The following ZC3H12D variants were observed in gnomAD, a reference collection of about 807,000 sequenced individuals.
ZC3H12D encodes the protein zinc finger CCCH-type containing 12D, also known as probable ribonuclease ZC3H12D.
ZC3H12D carries 11 observed loss-of-function variants against 24.2 expected under a neutral mutation model. The observed-to-expected ratio is 0.46, with a 90% CI of 0.29 to 0.75. ZC3H12D has a LOEUF of 0.75. ZC3H12D is among the 30% of genes least tolerant of loss of function. ZC3H12D has a pLI of 0.11. For missense variants in ZC3H12D, 740 were observed against 767.7 expected, an observed-to-expected ratio of 0.96 and a Z score of 0.43; for synonymous variants, 333 against 341.8, an observed-to-expected ratio of 0.97 and a Z score of 0.28.
intron 3 of ZC3H12D, chr6:149,459,692 G>A (rs1389443710): frequency 2.8e-6 from 2 of 717,790 alleles, no homozygotes; most frequent in African/African-American, 1.7e-5. Context: ...TAAAGAAAGT[G>A]AAGCTACAAC....
In ZC3H12D at chr6:149,480,894, C is replaced by T. The variant is rs754001700; in HGVS notation, c.-71+3919G>A. Among the ~76,000 whole-genome samples the T allele has an allele frequency of 3.7e-4, 55 of 149,166 alleles. 1 individual carries two copies. The highest frequency in any genetic ancestry group is 3.1e-3 in the Admixed American group (47 of 15,152). ...AAGAAGGGCCGTGTCACACTCCACG[C>T]CATCATCACAGTCGGGCCCAACACA... On this transcript the variant is annotated intron_variant, in intron 1 of 5. Coordinates refer to ENST00000409806, the MANE Select transcript of ZC3H12D (RefSeq NM_207360.3).
intron 1 of ZC3H12D, among the ~76,000 whole-genome samples, chr6:149,484,084 G>A (rs1462983895): frequency 1.3e-5 from 2 of 152,094 alleles, no homozygotes; most frequent in African/African-American, 2.4e-5. Context: ...TTTAAGCCCC[G>A]ATCCACATCC....
intron 3 of ZC3H12D, among the ~76,000 whole-genome samples, chr6:149,461,090 C>G (rs1776065180): frequency 6.6e-6 from 1 of 152,074 alleles, no homozygotes; most frequent in Non-Finnish European, 1.5e-5. Flanking sequence ...CGCCTCTAAT[C>G]CCAGCACTTT....
At chr6:149,458,128 C>T (rs199778825) in intron 3 of ZC3H12D, among the ~76,000 whole-genome samples, 2,751 of 38,858 alleles carry the variant, frequency 0.071, 95 homozygotes, top group African/African-American at 0.18. Context: ...TTTTTCGTTT[C>T]TTTTTTTTTT....
intron 3 of ZC3H12D, among the ~76,000 whole-genome samples, chr6:149,460,132 A>T (rs550109355): frequency 6.6e-6 from 1 of 152,262 alleles, no homozygotes; most frequent in Non-Finnish European, 1.5e-5. Context: ...TGTACAGCAC[A>T]TAACACTTGA....
In ZC3H12D at chr6:149,456,970, G is replaced by A. The variant is rs949362375; in HGVS notation, c.446-70C>T. On this transcript the variant is annotated intron_variant, in intron 3 of 5. Coordinates refer to ENST00000409806, the MANE Select transcript of ZC3H12D (RefSeq NM_207360.3). This position sits in a 1 kb window ranked among gnomAD's most constrained non-coding sequence, Gnocchi z 4.3. ...CGCCCCTGAGAACCACCCCCAACGC[G>A]AGGCCACCCGCTTCCCGGGCCGGTC... 3 of 1,453,830 alleles carry A rather than the reference G, an allele frequency of 2.1e-6. No individual in the cohort carries two copies. Among genetic ancestry groups the A allele is most frequent in the Non-Finnish European group, 2.8e-6 (3 of 1,070,494 alleles). 90.1% of individuals were successfully genotyped at this position (1,453,830 alleles called of 1,614,324 possible).
intron 4 of ZC3H12D, among the ~76,000 whole-genome samples, chr6:149,455,953 T>TA (rs1278081469): frequency 4.2e-4 from 53 of 126,014 alleles, no homozygotes; most frequent in African/African-American, 1.7e-3. Context: ...AAATTTTGAT[T>TA]TAAAAAAAAA....
At chr6:149,454,449 G>A (rs995515653) in intron 4 of ZC3H12D, among the ~76,000 whole-genome samples, 3 of 152,246 alleles carry the variant, frequency 2.0e-5, no homozygotes, top group Admixed American at 6.5e-5. Flanking sequence ...CCCCGGCCCT[G>A]TGTGGCCTCC....
In ZC3H12D at chr6:149,447,154, G is replaced by T. The variant is rs1775793980; in HGVS notation, c.*3529C>A. The T allele has an allele frequency of 6.6e-6, 1 of 152,260 alleles. No individual in the cohort carries two copies. Among genetic ancestry groups the T allele is most frequent in the Non-Finnish European group, 1.5e-5 (1 of 68,086 alleles). 9.4% of individuals were successfully genotyped at this position (152,260 alleles called of 1,614,324 possible). ...TGGCCTCACTGCTTCTCCTGGAAAA[G>T]GTGGATTTGAGCCCCTCACATCCCC... On this transcript the variant is annotated 3_prime_UTR_variant, in exon 6 of 6. Transcript: ENST00000409806.
Position 149,458,128 on chromosome 6 carries a change from CTTTTTTTTTTTTT to C in ZC3H12D, c.446-1241_446-1229del, listed in dbSNP as rs1189920889. On this transcript the variant is annotated intron_variant, in intron 3 of 5. Coordinates refer to ENST00000409806, the MANE Select transcript of ZC3H12D (RefSeq NM_207360.3). ...TTCTTTTTCTTTTTTTTTTTCGTTT[CTTTTTTTTTTTTT>C]TTTTTTTTTTTTGAGACAAGATCTC... is the stretch of plus-strand genomic sequence containing the variant. Among the ~76,000 whole-genome samples, 286 of 39,782 alleles carry C rather than the reference CTTTTTTTTTTTTT, an allele frequency of 7.2e-3. 6 individuals carry two copies. The highest frequency in any genetic ancestry group is 0.023 in the African/African-American group (224 of 9,556). The allele number at this position is 39,782 out of a possible 152,430, so 26.1% of individuals were successfully genotyped here. A position where few individuals can be genotyped will look rare whatever the true frequency, so the allele number is the denominator to read the frequency against.
intron 1 of ZC3H12D, among the ~76,000 whole-genome samples, chr6:149,483,738 TG>T (rs1158477317): frequency 6.6e-6 from 1 of 152,010 alleles, no homozygotes; most frequent in African/African-American, 2.4e-5. Flanking sequence ...TTTGTAGAGA[TG>T]GGGGTCTCAC....
chr6:149,482,808 A>T (rs980876564), intron 1 of ZC3H12D, among the ~76,000 whole-genome samples: 2 of 152,158 alleles, frequency 1.3e-5, no homozygotes, highest in Admixed American at 6.5e-5. Context: ...CATTACTCCC[A>T]GTGCAGGGGA....
At position 149,447,920 on chromosome 6, in the gene ZC3H12D, T is replaced by C. The variant is rs905672181; in HGVS notation, c.*2763A>G. On this transcript the variant is annotated 3_prime_UTR_variant, in exon 6 of 6. Coordinates refer to ENST00000409806, the MANE Select transcript of ZC3H12D (RefSeq NM_207360.3). ...TGAAAAATCAGCAACACAATGATTC[T>C]ACATCAGGAAATCGAACCAGGGAGA... is the stretch of plus-strand genomic sequence containing the variant. 8.5e-5 allele frequency: 13 copies of C among 152,214 alleles called. No individual in the cohort carries two copies. Among genetic ancestry groups the C allele is most frequent in the African/African-American group, 2.7e-4 (11 of 41,438 alleles). 9.4% of individuals were successfully genotyped at this position (152,214 alleles called of 1,614,324 possible).
intron 1 of ZC3H12D, among the ~76,000 whole-genome samples, chr6:149,475,657 G>C (rs551008141): frequency 4.5e-4 from 69 of 151,780 alleles, no homozygotes; most frequent in Non-Finnish European, 7.8e-4. Flanking sequence ...CGGAGTTGTG[G>C]TGAGCAGACA....
chr6:149,467,555 T>G (rs185944575), intron 2 of ZC3H12D, among the ~76,000 whole-genome samples: 2,222 of 152,172 alleles, frequency 0.015, 49 homozygotes, highest in African/African-American at 0.052. Flanking sequence ...CGCCTGGCCT[T>G]GGAGCTCATT....
intron 1 of ZC3H12D, among the ~76,000 whole-genome samples, chr6:149,478,629 T>A (rs1207211317): frequency 1.3e-5 from 2 of 152,170 alleles, no homozygotes; most frequent in East Asian, 3.9e-4. Context: ...AATTCTTAAA[T>A]CTAGAGCTGT....
Position 149,450,959 on chromosome 6 carries a change from C to T in ZC3H12D, c.1308G>A (p.Pro436=). The change falls in exon 6 of 6, where the codon CCG becomes CCA. Residue 436 remains proline (P), a synonymous_variant. Transcript: ENST00000409806. ...GGTCGGAGCGGGGTGGACGGGCCCACGGGTCGTCGGGTGGCCTGCGCGGGG... is the reference window on the plus strand; with the variant it reads ...GGTCGGAGCGGGGTGGACGGGCCCATGGGTCGTCGGGTGGCCTGCGCGGGG... ...LLSPRRPPDD[P]WARPPRSDRF... 6.6e-7 allele frequency: 1 copy of T among 1,525,780 alleles called. No individual in the cohort carries two copies. Among genetic ancestry groups the T allele is most frequent in the Non-Finnish European group, 8.8e-7 (1 of 1,138,610 alleles). 94.5% of individuals were successfully genotyped at this position (1,525,780 alleles called of 1,614,324 possible).
intron 1 of ZC3H12D, among the ~76,000 whole-genome samples, chr6:149,477,836 C>CG (rs954240657): frequency 6.6e-6 from 1 of 152,130 alleles, no homozygotes; most frequent in Non-Finnish European, 1.5e-5. Context: ...TAGGGAAGCC[C>CG]GGGGGACTCC....
rs1195688275 is a variant in ZC3H12D at position 149,451,194 on chromosome 6, A to T, written c.1073T>A (p.Leu358Gln). 1 of 1,309,810 alleles carries T rather than the reference A, an allele frequency of 7.6e-7. No homozygotes were observed. The highest frequency in any genetic ancestry group is 9.7e-7 in the Non-Finnish European group (1 of 1,035,394). The allele number at this position is 1,309,810 out of a possible 1,614,324, so 81.1% of individuals were successfully genotyped here. Residue 358 changes from leucine (L) to glutamine (Q), a missense_variant, in exon 6 of 6, where the codon CTG becomes CAG. Coordinates refer to ENST00000409806, the MANE Select transcript of ZC3H12D (RefSeq NM_207360.3). Reference protein sequence around the residue: ...RLAFSDDLGPLGPPLPVPACS... With the variant: ...RLAFSDDLGPQGPPLPVPACS... Reference sequence around the variant, plus strand: ...GGCGGGGACCGGGAGAGGCGGCCCCAGGGGCCCCAGGTCGTCGCTGAAGGC... The same window carrying T: ...GGCGGGGACCGGGAGAGGCGGCCCCTGGGGCCCCAGGTCGTCGCTGAAGGC...
Sources: allele counts gnomAD v4.1 joint callset (sites outside exome capture counted in the v4.1 genomes callset), GRCh38; gene constraint gnomAD v4.1.1; non-coding constraint Gnocchi (gnomAD v3.1); transcripts MANE v1.5; gene names NCBI Gene and HGNC (gene_info 2026-07-23, HGNC 2026-07-21).